The following CHD9 variants were observed in gnomAD, a reference collection of about 807,000 sequenced individuals.
The protein encoded by CHD9 is chromodomain helicase DNA binding protein 9, also known as ATP-dependent chromatin remodeler CHD9.
In CHD9, 77 loss-of-function variants were observed where a neutral mutation model predicts 316.1. The observed-to-expected ratio is 0.24, with a 90% CI of 0.20 to 0.29. CHD9 has a LOEUF of 0.29. Among genes scored for constraint, CHD9 ranks in the 10% least tolerant of loss-of-function variants. CHD9 has a pLI of 1.00. For synonymous variants in CHD9, 1,129 were observed against 1,158.3 expected (o/e 0.97, Z 0.51); for missense variants, 2,763 against 3,438.1 (o/e 0.80, Z 4.91).
At chr16:53,090,889 T>C (rs149945432) in intron 1 of CHD9, among the ~76,000 whole-genome samples, 1,729 of 152,182 alleles carry the variant, frequency 0.011, 23 homozygotes, top group Non-Finnish European at 0.018. Context: ...AGGGTGGCTT[T>C]GTTGAGTAAT....
chr16:53,111,769 T>C (rs920865623), intron 1 of CHD9, among the ~76,000 whole-genome samples: 6 of 152,238 alleles, frequency 3.9e-5, no homozygotes, highest in Admixed American at 2.6e-4. Flanking sequence ...AAAACGTTCA[T>C]ATGGTTTGAT....
intron 30 of CHD9, among the ~76,000 whole-genome samples, chr16:53,302,009 C>T (rs1047896268): frequency 3.3e-5 from 5 of 151,980 alleles, no homozygotes; most frequent in East Asian, 1.9e-4. Flanking sequence ...ATGATCCACC[C>T]GCCTCGGCCT....
chr16:53,230,183 C>G (rs1456790670), intron 8 of CHD9, among the ~76,000 whole-genome samples: 1 of 152,226 alleles, frequency 6.6e-6, no homozygotes, highest in Non-Finnish European at 1.5e-5. Context: ...AAGTGATGCT[C>G]TATTCTTCCA....
rs1422780379 is a variant in CHD9 at position 53,227,385 on chromosome 16, C to G, written c.2044-11C>G. On this transcript the variant is annotated splice_polypyrimidine_tract_variant and intron_variant, in intron 5 of 38. Coordinates refer to ENST00000447540, the MANE Select transcript of CHD9 (RefSeq NM_001308319.2). ...TGTGTTCTGTCATTATTTCTTTCCT[C>G]CCTCCCATAGGAGAATCCGAGTGAA... is the stretch of plus-strand genomic sequence containing the variant. The G allele has an allele frequency of 2.0e-6, 3 of 1,535,946 alleles. No homozygotes were observed. The East Asian group carries it at 7.1e-5, about 36-fold the overall frequency.
At chr16:53,085,141 A>G (rs2035354520) in intron 1 of CHD9, among the ~76,000 whole-genome samples, 1 of 152,334 alleles carries the variant, frequency 6.6e-6, no homozygotes, top group South Asian at 2.1e-4. Flanking sequence ...GCAATCAGCT[A>G]GAGCCAGAAG....
intron 5 of CHD9, 121 bp downstream of exon 5, chr16:53,226,633 A>G: frequency 9.6e-7 from 1 of 1,036,270 alleles, no homozygotes; most frequent in Non-Finnish European, 1.4e-6. Context: ...CCATATTATT[A>G]GTTAATTGAG....
At chr16:53,241,439 C>A (rs1463310258) in intron 12 of CHD9, among the ~76,000 whole-genome samples, 2 of 152,226 alleles carry the variant, frequency 1.3e-5, no homozygotes, top group East Asian at 3.8e-4. Flanking sequence ...ATCTGTACTG[C>A]TGAAATTCCT....
Position 53,157,377 on chromosome 16 carries a change from C to T in CHD9, c.1288C>T (p.His430Tyr), listed in dbSNP as rs1434566880. 1.9e-6 allele frequency: 3 copies of T among 1,613,956 alleles called. No individual in the cohort carries two copies. The highest frequency in any genetic ancestry group is 2.5e-6 in the Non-Finnish European group (3 of 1,179,872). Residue 430 changes from histidine to tyrosine, a missense_variant, in exon 2 of 39, where the codon CAC becomes TAC. By Grantham distance (83) the His-to-Tyr change is moderately conservative. This residue lies in a region of CHD9 where 859 missense variants were observed against 890.4 expected (regional missense o/e 0.96). Transcript: ENST00000447540. ...AACATTCGGACAAGATAATTCAAGT[C>T]ACATTTTAGATCATGACCTTGATCG... Reference protein sequence around the residue: ...ESTFGQDNSSHILDHDLDRQF... With the variant: ...ESTFGQDNSSYILDHDLDRQF...
intron 22 of CHD9, among the ~76,000 whole-genome samples, 164 bp downstream of exon 22, chr16:53,268,290 T>C (rs1424130380): frequency 2.0e-5 from 3 of 152,136 alleles, no homozygotes. Context: ...GTGTTATCAG[T>C]TTGGTGGATT....
intron 1 of CHD9, among the ~76,000 whole-genome samples, chr16:53,058,130 T>C (rs188937996): frequency 1.2e-3 from 177 of 152,278 alleles, no homozygotes; most frequent in African/African-American, 4.2e-3. Context: ...TCTTTGTTTT[T>C]GTTTTTTTGA....
intron 2 of CHD9, among the ~76,000 whole-genome samples, chr16:53,182,050 G>A (rs572809374): frequency 1.3e-5 from 2 of 152,256 alleles, no homozygotes; most frequent in South Asian, 4.1e-4. Flanking sequence ...CTGCACTCCA[G>A]CCTGGGCAAC....
At chr16:53,212,765 CACTT>C (rs1482207302) in intron 3 of CHD9, among the ~76,000 whole-genome samples, 4 of 152,118 alleles carry the variant, frequency 2.6e-5, no homozygotes, top group Non-Finnish European at 2.9e-5. Context: ...CCAGTTTCAT[CACTT>C]ACAAGCAGTG....
At chr16:53,140,350 G>A (rs2040012728) in intron 1 of CHD9, among the ~76,000 whole-genome samples, 1 of 150,352 alleles carries the variant, frequency 6.7e-6, no homozygotes. Context: ...CCCAGCTACA[G>A]AGGTTGCAAT....
chr16:53,209,408 A>G (rs1417151965), intron 2 of CHD9, 74 bp from the exon 3 acceptor site: 12 of 1,046,940 alleles, frequency 1.1e-5, no homozygotes, highest in Non-Finnish European at 1.6e-5. Flanking sequence ...ATAATTTAAG[A>G]TTTTCAGATA....
chr16:53,255,566 A>G (rs781496157), intron 18 of CHD9, 34 bp from the exon 19 acceptor site: 31 of 1,588,212 alleles, frequency 2.0e-5, no homozygotes, highest in Non-Finnish European at 2.3e-5. Flanking sequence ...AACTTTAAAA[A>G]AAACTATTTT....
chr16:53,235,140 A>T (rs762371869), intron 10 of CHD9, 45 bp from the exon 11 acceptor site: 164 of 1,515,310 alleles, frequency 1.1e-4, no homozygotes, highest in Non-Finnish European at 1.4e-4. Context: ...TCAGTATGAT[A>T]TATGGAAGAT....
At chr16:53,255,570 CTA>C (rs2050521392) in intron 18 of CHD9, 28 bp from the exon 19 acceptor site, 1 of 1,586,772 alleles carries the variant, frequency 6.3e-7, no homozygotes, top group Non-Finnish European at 8.6e-7. Context: ...TTAAAAAAAA[CTA>C]TTTTTATGGA....
intron 1 of CHD9, among the ~76,000 whole-genome samples, chr16:53,125,440 T>C (rs765802829): frequency 5.3e-5 from 8 of 152,108 alleles, no homozygotes; most frequent in Non-Finnish European, 1.2e-4. Context: ...TTAACCATGT[T>C]GGCCAGGCTG....
chr16:53,166,203 T>C (rs2042257927), intron 2 of CHD9, among the ~76,000 whole-genome samples: 1 of 152,182 alleles, frequency 6.6e-6, no homozygotes. Flanking sequence ...GTTATTAAAC[T>C]ATGTAGTATA....
Sources: gnomAD v4.1 joint callset for allele counts (sites outside exome capture counted in the v4.1 genomes callset) on GRCh38, gnomAD v4.1.1 for gene constraint, gnomAD v4.1.1 regional missense constraint, MANE v1.5 for transcripts, NCBI Gene and HGNC (gene_info 2026-07-23, HGNC 2026-07-21) for gene names.